USP9X: variants seen among roughly 807,000 people sequenced by gnomAD.
The protein encoded by USP9X is ubiquitin carboxyl-terminal hydrolase 9X.
Under a neutral mutation model 190.3 loss-of-function variants are expected in USP9X, and 7 were observed. The ratio of observed to expected loss-of-function variants is 0.04; its 90% CI spans 0.02 to 0.07. The LOEUF is 0.07. USP9X is among the 10% of genes least tolerant of loss of function. USP9X has a pLI of 1.00. For synonymous variants in USP9X, 645 were observed against 659.5 expected (o/e 0.98, Z 0.34); for missense variants, 1,010 against 1,916.9 (o/e 0.53, Z 8.83).
chrX:41,132,048 G>A (rs746653419), intron 4 of USP9X, among the ~76,000 whole-genome samples: 1 of 111,302 alleles, frequency 9.0e-6, no homozygotes, highest in Non-Finnish European at 1.9e-5. Flanking sequence ...TTTGTACTCA[G>A]TAAAATTTTA....
chrX:41,188,238 A>G (rs2062662695), intron 25 of USP9X, 121 bp downstream of exon 25: 1 of 724,001 alleles, frequency 1.4e-6, no homozygotes. Flanking sequence ...TAATGGTTGA[A>G]AATTAATTGA....
chrX:41,138,828 A>G (rs2062397903), intron 6 of USP9X, among the ~76,000 whole-genome samples: 1 of 113,328 alleles, frequency 8.8e-6, no homozygotes, highest in Admixed American at 9.3e-5. Flanking sequence ...TTGTAGCAAT[A>G]GAAAACTATG....
rs2062355651 is a variant in USP9X at position 41,134,647 on chromosome X, C to T, written c.323-78C>T. The T allele has an allele frequency of 2.5e-5, 21 of 824,100 alleles. No individual in the cohort carries two copies. The South Asian group carries it at 4.8e-4, about 19-fold the overall frequency. 67.9% of individuals were successfully genotyped at this position (824,100 alleles called of 1,213,427 possible). A position where few individuals can be genotyped will look rare whatever the true frequency, so the allele number is the denominator to read the frequency against. On this transcript the variant is annotated intron_variant, in intron 4 of 44. Coordinates refer to ENST00000378308, the MANE Select transcript of USP9X (RefSeq NM_001039591.3). Reference sequence around the variant, plus strand: ...GGTGAAGTTTCCAGTTATTTATTACCTTTTATTGTATATTGGACAATGTAA... The same window carrying T: ...GGTGAAGTTTCCAGTTATTTATTACTTTTTATTGTATATTGGACAATGTAA...
At chrX:41,202,996 A>C (rs2063056225) in intron 31 of USP9X, among the ~76,000 whole-genome samples, 1 of 111,072 alleles carries the variant, frequency 9.0e-6, no homozygotes, top group Non-Finnish European at 1.9e-5. Flanking sequence ...CTAGAGTATA[A>C]GTTTCTCATG....
rs139694917 is a variant in USP9X, at chrX:41,226,974, A to G, written c.7061+1837A>G. On this transcript the variant is annotated intron_variant, in intron 41 of 44. Transcript: ENST00000378308. ...ATTTTTTTAAAAAAGAAAGTACTGTAAGCACTTACAGTTTTAAACCAGTTA... is the reference window on the plus strand; with the variant it reads ...ATTTTTTTAAAAAAGAAAGTACTGTGAGCACTTACAGTTTTAAACCAGTTA... 7.1e-3 allele frequency among the ~76,000 whole-genome samples: 793 copies of G among 111,619 alleles called. 6 individuals carry two copies. Among genetic ancestry groups the G allele is most frequent in the African/African-American group, 0.023 (706 of 30,755 alleles).
At chrX:41,187,501 TA>T (rs1236133100) in intron 24 of USP9X, among the ~76,000 whole-genome samples, 3 of 112,953 alleles carry the variant, frequency 2.7e-5, no homozygotes, top group Non-Finnish European at 5.6e-5. Flanking sequence ...AAAGCTGATG[TA>T]AACATTGTGT....
Position 41,085,691 on chromosome X carries a change from T to C in USP9X, c.-577T>C. On this transcript the variant is annotated 5_prime_UTR_variant, in exon 1 of 45. Coordinates refer to ENST00000378308, the MANE Select transcript of USP9X (RefSeq NM_001039591.3). ...GCGCCGGGAGCGAGGAGCGAGCTAC[T>C]TCAAAGCCACCAGGCCTGGAGCGGG... is the stretch of plus-strand genomic sequence containing the variant. 1 of 295,538 alleles carries C rather than the reference T, an allele frequency of 3.4e-6. No individual in the cohort carries two copies. The highest frequency in any genetic ancestry group is 2.1e-4 in the South Asian group (1 of 4,690). The allele number at this position is 295,538 out of a possible 1,213,427, so 24.4% of individuals were successfully genotyped here.
chrX:41,202,799 T>C (rs1435496397), intron 31 of USP9X, among the ~76,000 whole-genome samples: 1 of 112,076 alleles, frequency 8.9e-6, no homozygotes, highest in African/African-American at 3.2e-5. Context: ...CAAGTAGATA[T>C]AGGTAATTGT....
At chrX:41,089,094 G>A (rs960615285) in intron 1 of USP9X, among the ~76,000 whole-genome samples, 1 of 112,500 alleles carries the variant, frequency 8.9e-6, no homozygotes, top group Non-Finnish European at 1.9e-5. Flanking sequence ...ATTTGGAGTT[G>A]AAAACCACTG....
intron 32 of USP9X, among the ~76,000 whole-genome samples, chrX:41,210,041 T>G (rs920788640): frequency 8.9e-6 from 1 of 111,951 alleles, no homozygotes; most frequent in East Asian, 2.8e-4. Flanking sequence ...GGGAAAAAAA[T>G]AAATTTAAGA....
chrX:41,099,096 G>GTTTTTTTTTTTTTTTTTTTTT (rs34179321), intron 1 of USP9X, among the ~76,000 whole-genome samples: 3 of 44,274 alleles, frequency 6.8e-5, no homozygotes, highest in Admixed American at 3.8e-4. Context: ...CCAGATAATT[G>GTTTTTTTTTTTTTTTTTTTTT]TTTTTTTTTT....
At chrX:41,131,659 G>A (rs1601957653) in intron 4 of USP9X, 123 bp downstream of exon 4, 2 of 515,717 alleles carry the variant, frequency 3.9e-6, no homozygotes, top group Non-Finnish European at 6.1e-6. Flanking sequence ...AGCTTGCAAG[G>A]AGGGGCTCAT....
At chrX:41,228,413 T>C (rs1214617679) in intron 41 of USP9X, among the ~76,000 whole-genome samples, 1 of 111,814 alleles carries the variant, frequency 8.9e-6, no homozygotes, top group African/African-American at 3.3e-5. Context: ...TGGGAGAAAC[T>C]GAAATGAAAT....
chrX:41,236,209 A>G lies in USP9X; in HGVS notation c.*3685A>G, dbSNP rs2063397622. On this transcript the variant is annotated 3_prime_UTR_variant, in exon 45 of 45. Transcript: ENST00000378308. ...TGGTTTCATAGTAGGACTCAACCAG[A>G]ATTGGTCCTACATATATGTGAGTGT... is the stretch of plus-strand genomic sequence containing the variant. 9.0e-6 allele frequency: 1 copy of G among 111,608 alleles called. No homozygotes were observed. The highest frequency in any genetic ancestry group is 3.3e-5 in the African/African-American group (1 of 30,675). 9.2% of individuals were successfully genotyped at this position (111,608 alleles called of 1,213,427 possible).
chrX:41,188,212 T>A (rs985804211), intron 25 of USP9X, 95 bp downstream of exon 25: 4 of 857,063 alleles, frequency 4.7e-6, no homozygotes, highest in Non-Finnish European at 6.4e-6. Context: ...TTTTAAAAAT[T>A]GAATCACTTG....
chrX:41,122,265 T>C (rs1273001122), intron 1 of USP9X, among the ~76,000 whole-genome samples: 2 of 111,418 alleles, frequency 1.8e-5, no homozygotes, highest in Non-Finnish European at 3.8e-5. Context: ...ACGTGGTCTT[T>C]ACTCTGTATG....
At chrX:41,141,489 A>G in intron 9 of USP9X, 58 bp downstream of exon 9, 1 of 1,046,018 alleles carries the variant, frequency 9.6e-7, no homozygotes, top group South Asian at 3.2e-5. Flanking sequence ...AAGAAATTAG[A>G]ATAGCTCTAG....
Position 41,224,792 on chromosome X carries a change from A to G in USP9X, c.6802A>G (p.Ile2268Val), listed in dbSNP as rs766799057. ...TGGTGATCCTAATTTATCACAACCT[A>G]TAATGCCAATTCAGCAGAATGTGGC... is the stretch of plus-strand genomic sequence containing the variant. The part of the protein sequence containing the change: ...PFGDPNLSQP[I>V]MPIQQNVADI... Residue 2268 changes from isoleucine to valine, a missense_variant, in exon 40 of 45, where the codon ATA (isoleucine) becomes GTA (valine). By Grantham distance (29) the Ile-to-Val change is conservative. Transcript: ENST00000378308. 3.3e-6 allele frequency: 4 copies of G among 1,210,096 alleles called. No homozygotes were observed. Among genetic ancestry groups the G allele is most frequent in the African/African-American group, 3.5e-5 (2 of 57,212 alleles).
intron 5 of USP9X, among the ~76,000 whole-genome samples, chrX:41,136,147 A>G (rs1259302085): frequency 9.0e-6 from 1 of 111,617 alleles, no homozygotes; most frequent in African/African-American, 3.3e-5. Flanking sequence ...GATGATTGAC[A>G]TATTGTTTAT....
Sources: allele counts gnomAD v4.1 joint callset (sites outside exome capture counted in the v4.1 genomes callset), GRCh38; gene constraint gnomAD v4.1.1; transcripts MANE v1.5; gene names NCBI Gene and HGNC (gene_info 2026-07-23, HGNC 2026-07-21).